The following CREBBP variants were observed in gnomAD, a reference collection of about 807,000 sequenced individuals.
CREBBP encodes CREB-binding protein.
CREBBP carries 19 observed loss-of-function variants against 265.0 expected under a neutral mutation model. That is an observed-to-expected ratio of 0.07 (90% confidence interval 0.05 to 0.11). The LOEUF is 0.11. CREBBP is among the 10% of genes least tolerant of loss of function. The pLI is 1.00. For missense variants in CREBBP, 2,525 were observed against 3,219.0 expected (o/e 0.78, Z 5.22); for synonymous variants, 1,457 against 1,223.7 (o/e 1.19, Z -3.98).
intron 3 of CREBBP, among the ~76,000 whole-genome samples, chr16:3,808,882 C>T (rs1239976901): frequency 1.3e-5 from 2 of 152,210 alleles, no homozygotes; most frequent in East Asian, 3.9e-4. Context: ...TCGGTGAGGA[C>T]TGGAAAAGGA....
chr16:3,746,936 C>G (rs2151359532), intron 21 of CREBBP, among the ~76,000 whole-genome samples: 1 of 152,220 alleles, frequency 6.6e-6, no homozygotes, highest in East Asian at 1.9e-4. Context: ...CACAGCAAGA[C>G]CCTGTTTCAA....
chr16:3,809,737 C>T (rs2053899246), intron 3 of CREBBP, among the ~76,000 whole-genome samples: 1 of 152,116 alleles, frequency 6.6e-6, no homozygotes, highest in African/African-American at 2.4e-5. Flanking sequence ...GCTATCTTTA[C>T]AACAAATACT....
intron 16 of CREBBP, among the ~76,000 whole-genome samples, chr16:3,761,839 T>G (rs1171673826): frequency 6.6e-6 from 1 of 152,248 alleles, no homozygotes; most frequent in Non-Finnish European, 1.5e-5. Flanking sequence ...TTTGCTAGTC[T>G]TTGAATAACT....
chr16:3,879,208 C>A (rs1024243658), intron 1 of CREBBP, among the ~76,000 whole-genome samples: 2 of 144,192 alleles, frequency 1.4e-5, no homozygotes, highest in African/African-American at 5.2e-5. Flanking sequence ...AATGGAATGA[C>A]TAGTTGACTA....
intron 1 of CREBBP, among the ~76,000 whole-genome samples, chr16:3,872,484 A>G (rs955247676): frequency 6.6e-6 from 1 of 152,182 alleles, no homozygotes; most frequent in Admixed American, 6.5e-5. Context: ...CAAGGCTTAC[A>G]CTTCTGCATC....
In CREBBP at chr16:3,756,364, C is replaced by A. The variant is rs530447734; in HGVS notation, c.3698+924G>T. On this transcript the variant is annotated intron_variant, in intron 19 of 30. Coordinates refer to ENST00000262367, the MANE Select transcript of CREBBP (RefSeq NM_004380.3). Reference sequence around the variant, plus strand: ...CTGCAGCGGCACATGGACACTTACACGCTGCGGTACAGATAAGCTGACTTC... The same window carrying A: ...CTGCAGCGGCACATGGACACTTACAAGCTGCGGTACAGATAAGCTGACTTC... Among the ~76,000 whole-genome samples, 11 of 152,368 alleles carry A rather than the reference C, an allele frequency of 7.2e-5. No individual in the cohort carries two copies. The East Asian group carries it at 2.1e-3, about 29-fold the overall frequency.
In CREBBP at chr16:3,749,730, G is replaced by A. The variant is rs752385511; in HGVS notation, c.3780-47C>T. The A allele has an allele frequency of 1.4e-5, 18 of 1,303,414 alleles. No homozygotes were observed. The South Asian group carries it at 2.2e-4, about 16-fold the overall frequency. The allele number at this position is 1,303,414 out of a possible 1,614,324, so 80.7% of individuals were successfully genotyped here. A position where few individuals can be genotyped will look rare whatever the true frequency, so the allele number is the denominator to read the frequency against. ...ATGTTTTATTAACTAAAATTTATCT[G>A]TTGAGTATAAACTATAGGGTCTCTG... On this transcript the variant is annotated intron_variant, in intron 20 of 30. Coordinates refer to ENST00000262367, the MANE Select transcript of CREBBP (RefSeq NM_004380.3).
chr16:3,773,652 G>T, intron 13 of CREBBP, 99 bp downstream of exon 13: 2 of 1,292,184 alleles, frequency 1.5e-6, no homozygotes, highest in Admixed American at 2.1e-5. Context: ...GTGCATTCTG[G>T]AATTTTAATT....
At chr16:3,748,718 T>C (rs1273102683) in intron 21 of CREBBP, among the ~76,000 whole-genome samples, 2 of 152,054 alleles carry the variant, frequency 1.3e-5, no homozygotes, top group Non-Finnish European at 2.9e-5. Context: ...GCCATGCCAA[T>C]TTGGAGCGCC....
intron 3 of CREBBP, among the ~76,000 whole-genome samples, chr16:3,802,114 A>ATTTTTTTCTTTT (rs2053726438): frequency 2.0e-5 from 1 of 50,556 alleles, no homozygotes; most frequent in Non-Finnish European, 3.2e-5. Context: ...GTATTCCTTA[A>ATTTTTTTCTTTT]TTTTTTTTTT....
chr16:3,749,255 T>C (rs1294118748), intron 21 of CREBBP, among the ~76,000 whole-genome samples: 1 of 152,222 alleles, frequency 6.6e-6, no homozygotes, highest in Non-Finnish European at 1.5e-5. Flanking sequence ...GTTTTCTTTC[T>C]GGTATTTCCC....
At chr16:3,847,898 G>C (rs887280713) in intron 2 of CREBBP, among the ~76,000 whole-genome samples, 19 of 152,196 alleles carry the variant, frequency 1.2e-4, no homozygotes, top group Admixed American at 1.3e-4. Flanking sequence ...GCCGGGCGTG[G>C]TGGCTCACGC....
chr16:3,796,083 G>C (rs2053602333), intron 3 of CREBBP, among the ~76,000 whole-genome samples: 1 of 152,020 alleles, frequency 6.6e-6, no homozygotes, highest in Admixed American at 6.6e-5. Context: ...CCTTGTTGAA[G>C]AGACCACACA....
At chr16:3,818,309 T>TC (rs2054077523) in intron 2 of CREBBP, among the ~76,000 whole-genome samples, 1 of 142,008 alleles carries the variant, frequency 7.0e-6, no homozygotes, top group Non-Finnish European at 1.6e-5. Flanking sequence ...TTTTCTTTTT[T>TC]TTTTTTTTTT....
At chr16:3,840,693 C>A (rs1489615113) in intron 2 of CREBBP, 1 of 160,924 alleles carries the variant, frequency 6.2e-6, no homozygotes, top group Non-Finnish European at 1.4e-5. Flanking sequence ...TTCTCTTCCC[C>A]TCTACCAGAA....
At chr16:3,740,219 CTG>C (rs2052168710) in intron 24 of CREBBP, among the ~76,000 whole-genome samples, 178 bp downstream of exon 24, 2 of 152,336 alleles carry the variant, frequency 1.3e-5, no homozygotes, top group African/African-American at 4.8e-5. Context: ...GCTTACTGCA[CTG>C]TATAGGGTAA....
Position 3,782,781 on chromosome 16 carries a change from G to A in CREBBP, c.1476C>T (p.Tyr492=), listed in dbSNP as rs1164357996. Residue 492 remains tyrosine, a synonymous_variant, in exon 6 of 31, where the codon TAC becomes TAT. Transcript: ENST00000262367. ...GCAGCTGCGTCTGGGGCTGGTTCATGTAGGGGAGTCCGAGAGCAGCATAGG... is the reference window on the plus strand; with the variant it reads ...GCAGCTGCGTCTGGGGCTGGTTCATATAGGGGAGTCCGAGAGCAGCATAGG... ...QRAYAALGLP[Y]MNQPQTQLQP... 1.2e-6 allele frequency: 2 copies of A among 1,614,186 alleles called. No individual in the cohort carries two copies. The highest frequency in any genetic ancestry group is 2.2e-5 in the East Asian group (1 of 44,888).
At chr16:3,846,659 G>A (rs1404448309) in intron 2 of CREBBP, among the ~76,000 whole-genome samples, 5 of 152,190 alleles carry the variant, frequency 3.3e-5, no homozygotes, top group Admixed American at 2.6e-4. Flanking sequence ...GAGCATGGAA[G>A]AATTTCCAAC....
At chr16:3,823,811 C>A (rs757407640) in intron 2 of CREBBP, among the ~76,000 whole-genome samples, 2 of 152,150 alleles carry the variant, frequency 1.3e-5, no homozygotes, top group Non-Finnish European at 2.9e-5. Context: ...TGGCAAGGCA[C>A]ACTTCTAGTC....
Sources: gnomAD v4.1 joint callset for allele counts (sites outside exome capture counted in the v4.1 genomes callset) on GRCh38, gnomAD v4.1.1 for gene constraint, MANE v1.5 for transcripts, NCBI Gene and HGNC (gene_info 2026-07-23, HGNC 2026-07-21) for gene names.